Variants in EXPH5 observed in about 807,000 individuals in gnomAD.
EXPH5 encodes exophilin 5.
In EXPH5, 42 loss-of-function variants were observed where a neutral mutation model predicts 41.1. That is an observed-to-expected ratio of 1.02 (90% CI 0.80 to 1.32). EXPH5 has a LOEUF of 1.32. Among genes scored for constraint, EXPH5 ranks in the 40% most tolerant of loss-of-function variants. EXPH5 has a pLI of 0.00. For missense variants in EXPH5, 2,298 were observed against 2,314.5 expected (o/e 0.99, Z 0.15); for synonymous variants, 798 against 833.5 (o/e 0.96, Z 0.73).
intron 1 of EXPH5, among the ~76,000 whole-genome samples, chr11:108,559,021 C>A (rs980885424): frequency 1.3e-5 from 2 of 152,144 alleles, no homozygotes; most frequent in African/African-American, 2.4e-5. Flanking sequence ...CTCACCCCAC[C>A]AGCATGATGA....
chr11:108,540,707 T>C (rs544310039), intron 2 of EXPH5, among the ~76,000 whole-genome samples: 1 of 152,244 alleles, frequency 6.6e-6, no homozygotes, highest in South Asian at 2.1e-4. Context: ...TTTTAATCTA[T>C]ATAGAAGGCA....
chr11:108,555,634 C>G (rs942496396), intron 1 of EXPH5, among the ~76,000 whole-genome samples: 1 of 152,100 alleles, frequency 6.6e-6, no homozygotes, highest in African/African-American at 2.4e-5. Flanking sequence ...GTAATCCCCA[C>G]GTGTTGGGGG....
chr11:108,538,939 A>G, intron 3 of EXPH5, 85 bp downstream of exon 3: 1 of 1,210,328 alleles, frequency 8.3e-7, no homozygotes, highest in Non-Finnish European at 1.1e-6. Context: ...AAGAACAAAC[A>G]TTAAACATTT....
intron 1 of EXPH5, among the ~76,000 whole-genome samples, chr11:108,556,412 C>G (rs533840497): frequency 2.6e-4 from 39 of 152,158 alleles, no homozygotes; most frequent in African/African-American, 9.4e-4. Flanking sequence ...GGACCTACTA[C>G]AGGAGAAGGT....
At chr11:108,578,954 A>G (rs1023886718) in intron 1 of EXPH5, among the ~76,000 whole-genome samples, 2 of 152,216 alleles carry the variant, frequency 1.3e-5, no homozygotes, top group African/African-American at 4.8e-5. Context: ...TCTGAAAACA[A>G]GAACAATGAT....
chr11:108,597,716 A>T (rs1296659079), upstream of EXPH5, among the ~76,000 whole-genome samples: 2 of 152,330 alleles, frequency 1.3e-5, no homozygotes, highest in South Asian at 2.1e-4. Flanking sequence ...TTGTTCTGGT[A>T]GTTCTAGTTG....
In EXPH5 at chr11:108,514,031, G is replaced by C; in HGVS notation, c.1476C>G (p.Asp492Glu). 6.2e-7 allele frequency: 1 copy of C among 1,614,076 alleles called. No individual in the cohort carries two copies. Among genetic ancestry groups the C allele is most frequent in the Non-Finnish European group, 8.5e-7 (1 of 1,179,988 alleles). ...GQEKGHSFWS[D>E]FHRSRKSFSS... is the part of the protein sequence containing the mutation. Reference sequence around the variant, plus strand: ...TGAATGATTTCCTGCTTCGATGAAAGTCAGACCAGAAAGAATGTCCTTTCT... The same window carrying C: ...TGAATGATTTCCTGCTTCGATGAAACTCAGACCAGAAAGAATGTCCTTTCT... The change falls in exon 6 of 6, where the codon GAC becomes GAG. Residue 492 changes from aspartate to glutamate, a missense_variant. Transcript: ENST00000265843.
At chr11:108,561,085 C>T (rs1485729111) in intron 1 of EXPH5, among the ~76,000 whole-genome samples, 1 of 152,102 alleles carries the variant, frequency 6.6e-6, no homozygotes, top group Non-Finnish European at 1.5e-5. Flanking sequence ...CTCAGTGCAT[C>T]AAGAATAGGT....
In EXPH5 at chr11:108,513,587, A is replaced by T; in HGVS notation, c.1920T>A (p.Asn640Lys). 7 of 1,613,968 alleles carry T rather than the reference A, an allele frequency of 4.3e-6. No individual in the cohort carries two copies. In the Middle Eastern group the frequency reaches 5.0e-4, roughly 114 times the overall value. Residue 640 changes from asparagine (N) to lysine (K), a missense_variant, in exon 6 of 6, where the codon AAT becomes AAA. Physicochemically the swap from Asn to Lys is moderately conservative, Grantham distance 94. Coordinates refer to ENST00000265843, the MANE Select transcript of EXPH5 (RefSeq NM_015065.3). ...SFSQISDDRR[N>K]PQSPNLQNPT... ...GATTCTGCAAGTTGGGACTCTGAGG[A>T]TTCCTTCTGTCATCAGAAATCTGGG...
intron 1 of EXPH5, among the ~76,000 whole-genome samples, chr11:108,553,069 G>T (rs940489757): frequency 3.9e-5 from 6 of 152,088 alleles, no homozygotes; most frequent in Non-Finnish European, 8.8e-5. Context: ...GTAATGGCAG[G>T]TGCCTGTAAT....
At chr11:108,587,609 T>A (rs117320965) in intron 1 of EXPH5, among the ~76,000 whole-genome samples, 3,597 of 152,278 alleles carry the variant, frequency 0.024, 71 homozygotes, top group Non-Finnish European at 0.032. Context: ...TAGACATTTT[T>A]AAAAAGAAAT....
rs2135921287 is a variant in EXPH5 at position 108,513,138 on chromosome 11, T to C, written c.2369A>G (p.Asn790Ser). Residue 790 changes from asparagine to serine, a missense_variant, in exon 6 of 6, where the codon AAT becomes AGT. Transcript: ENST00000265843. ...AAACCTCTTATCTTGTTTAATGTCA[T>C]TGGATTTATCTGTGTGCGGTATATA... ...KMYIPHTDKS[N>S]DIKQDKRFTE... is the part of the protein sequence containing the mutation. The C allele has an allele frequency of 1.9e-6, 3 of 1,612,312 alleles. No homozygotes were observed. In the South Asian group the frequency reaches 3.3e-5, roughly 18 times the overall value.
chr11:108,514,786 G>C lies in EXPH5; in HGVS notation c.721C>G (p.Gln241Glu), dbSNP rs2093712997. ...RTPLNYGSRT[Q>E]FGHFYSSGNR... is the part of the protein sequence containing the mutation. ...CCACTGGAATAAAAGTGACCGAACT[G>C]TGTTCTTGATCCATAGTTGAGGGGT... Residue 241 changes from glutamine to glutamate, a missense_variant, in exon 6 of 6, where the codon CAG (glutamine) becomes GAG (glutamate). Physicochemically the swap from Gln to Glu is conservative, Grantham distance 29 (BLOSUM62 2). Transcript: ENST00000265843. 2 of 1,607,794 alleles carry C rather than the reference G, an allele frequency of 1.2e-6. No individual in the cohort carries two copies. The highest frequency in any genetic ancestry group is 2.7e-5 in the African/African-American group (2 of 74,730).
intron 1 of EXPH5, among the ~76,000 whole-genome samples, chr11:108,572,286 C>A (rs1437583777): frequency 1.3e-5 from 2 of 152,144 alleles, no homozygotes; most frequent in African/African-American, 2.4e-5. Context: ...CAGAAGAACC[C>A]TTTGATCCTG....
chr11:108,562,085 C>A (rs934763173), intron 1 of EXPH5, among the ~76,000 whole-genome samples: 1 of 152,134 alleles, frequency 6.6e-6, no homozygotes, highest in East Asian at 1.9e-4. Context: ...AAAGTGCCAC[C>A]CATCCCTTGA....
chr11:108,532,353 TA>T (rs2093844982), intron 3 of EXPH5, among the ~76,000 whole-genome samples: 22 of 16,784 alleles, frequency 1.3e-3, no homozygotes, highest in East Asian at 5.0e-3. Flanking sequence ...TATATATATA[TA>T]TATATATATA....
chr11:108,547,873 G>T (rs2093945427), intron 1 of EXPH5, among the ~76,000 whole-genome samples: 2 of 151,984 alleles, frequency 1.3e-5, no homozygotes, highest in Non-Finnish European at 2.9e-5. Context: ...ACTTTGGGAG[G>T]CCAAGGCAGG....
At chr11:108,557,197 CT>C (rs530109802) in intron 1 of EXPH5, among the ~76,000 whole-genome samples, 82 of 152,012 alleles carry the variant, frequency 5.4e-4, no homozygotes, top group African/African-American at 2.0e-3. Flanking sequence ...GTTTACTTTT[CT>C]TTTTTTTGTT....
the EXPH5 span, among the ~76,000 whole-genome samples, chr11:108,599,158 C>T: frequency 6.6e-6 from 1 of 152,158 alleles, no homozygotes; most frequent in South Asian, 2.1e-4. Flanking sequence ...CCTCTTCTCT[C>T]CCTGCCTCCA....
Sources: allele counts gnomAD v4.1 joint callset (sites outside exome capture counted in the v4.1 genomes callset), GRCh38; gene constraint gnomAD v4.1.1; transcripts MANE v1.5; gene names NCBI Gene and HGNC (gene_info 2026-07-23, HGNC 2026-07-21).